Variants in ITGAE observed in about 807,000 individuals in gnomAD.
ITGAE encodes the protein integrin alpha-E.
A neutral mutation model predicts 136.5 loss-of-function variants in ITGAE; 99 were observed. The observed-to-expected ratio is 0.73, with a 90% CI of 0.62 to 0.86. ITGAE has a LOEUF of 0.86. Ranked by LOEUF, ITGAE falls within the 40% of genes least tolerant of loss-of-function variation. The pLI is 0.00. For missense variants in ITGAE, 1,447 were observed against 1,515.3 expected, an observed-to-expected ratio of 0.95 and a Z score of 0.75; for synonymous variants, 613 against 591.8, an observed-to-expected ratio of 1.04 and a Z score of -0.52.
chr17:3,785,062 G>A (rs1567556716), intron 1 of ITGAE, among the ~76,000 whole-genome samples: 1 of 152,148 alleles, frequency 6.6e-6, no homozygotes, highest in African/African-American at 2.4e-5. Flanking sequence ...TGAGGTGGGA[G>A]GACTGCTTGA....
chr17:3,789,641 C>G (rs566566765), intron 1 of ITGAE, among the ~76,000 whole-genome samples: 56 of 152,246 alleles, frequency 3.7e-4, no homozygotes, highest in Admixed American at 1.3e-3. Context: ...GCTGGGATTG[C>G]AGGCATGTGC....
intron 2 of ITGAE, among the ~76,000 whole-genome samples, chr17:3,764,255 G>A (rs1218729312): frequency 1.3e-5 from 2 of 152,206 alleles, no homozygotes; most frequent in African/African-American, 4.8e-5. Flanking sequence ...GGACAGGGAT[G>A]GGGAGGCCAG....
At chr17:3,794,468 C>A (rs1453609630) in intron 1 of ITGAE, among the ~76,000 whole-genome samples, 1 of 152,128 alleles carries the variant, frequency 6.6e-6, no homozygotes, top group African/African-American at 2.4e-5. Flanking sequence ...CCAGTGAGTC[C>A]AAGGGGGCAC....
intron 26 of ITGAE, chr17:3,725,772 G>A (rs770822659): frequency 6.2e-7 from 1 of 1,600,716 alleles, no homozygotes; most frequent in Admixed American, 1.7e-5. Context: ...GATTGACTTA[G>A]AGCAAATGCG....
chr17:3,755,703 C>T, intron 11 of ITGAE, 127 bp downstream of exon 11: 2 of 605,808 alleles, frequency 3.3e-6, no homozygotes, highest in Non-Finnish European at 5.6e-6. Flanking sequence ...AAAATAAAAT[C>T]GCTCTTTTAC....
rs943583374 is a variant in ITGAE at position 3,723,309 on chromosome 17, G to A, written c.3216C>T (p.Ile1072=). The change falls in exon 28 of 31, where the codon ATC becomes ATT. Residue 1072 remains isoleucine, a synonymous_variant. Coordinates refer to ENST00000263087, the MANE Select transcript of ITGAE (RefSeq NM_002208.5). Reference sequence around the variant, plus strand: ...ACACCTCCTCAGAGTGATCCCAGGAGATCTCTGCAGCCACGGTGACATTTT... The same window carrying A: ...ACACCTCCTCAGAGTGATCCCAGGAAATCTCTGCAGCCACGGTGACATTTT... ...DKENVTVAAE[I]SWDHSEELLK... The A allele has an allele frequency of 6.2e-7, 1 of 1,612,614 alleles. No individual in the cohort carries two copies. The highest frequency in any genetic ancestry group is 8.5e-7 in the Non-Finnish European group (1 of 1,178,578).
At chr17:3,756,116 G>C (rs1193551183) in intron 10 of ITGAE, among the ~76,000 whole-genome samples, 1 of 152,038 alleles carries the variant, frequency 6.6e-6, no homozygotes, top group Admixed American at 6.6e-5. Flanking sequence ...GTGAGCTCCT[G>C]GGAGAAGGGA....
intron 20 of ITGAE, among the ~76,000 whole-genome samples, chr17:3,736,546 A>G (rs935677367): frequency 5.9e-5 from 9 of 152,070 alleles, no homozygotes; most frequent in African/African-American, 2.2e-4. Flanking sequence ...TCAGCTTCCT[A>G]CCCACAAAAT....
chr17:3,718,641 AAAG>A (rs1199879699), intron 29 of ITGAE, among the ~76,000 whole-genome samples: 2 of 152,248 alleles, frequency 1.3e-5, no homozygotes, highest in Admixed American at 6.5e-5. Flanking sequence ...TATTGGATTT[AAAG>A]AAAGGAATTT....
intron 6 of ITGAE, among the ~76,000 whole-genome samples, chr17:3,760,537 T>A (rs943757902): frequency 7.0e-6 from 1 of 142,904 alleles, no homozygotes; most frequent in Non-Finnish European, 1.5e-5. Flanking sequence ...CCTCCCGGGT[T>A]CAAGCAATCC....
Position 3,740,892 on chromosome 17 carries a change from C to T in ITGAE, c.2449-1014G>A, listed in dbSNP as rs541229774. Among the ~76,000 whole-genome samples, 11 of 152,272 alleles carry T rather than the reference C, an allele frequency of 7.2e-5. 1 individual carries two copies. The South Asian group carries it at 1.4e-3, about 20-fold the overall frequency. The stretch of plus-strand genomic sequence containing the variant: ...GCCTCTGCACTTCGCACTTCTCTCC[C>T]GGTGGCCACCTCGGCAGCTGTCTGC... On this transcript the variant is annotated intron_variant, in intron 19 of 30. Transcript: ENST00000263087.
Position 3,745,044 on chromosome 17 carries a change from G to T in ITGAE, c.2319+720C>A, listed in dbSNP as rs190959652. The stretch of plus-strand genomic sequence containing the variant: ...TTTATTGGAATAAACGATCCATATA[G>T]ATCCAAAGTTCGAGATCCTGTCAGG... On this transcript the variant is annotated intron_variant, in intron 18 of 30. Coordinates refer to ENST00000263087, the MANE Select transcript of ITGAE (RefSeq NM_002208.5). Among the ~76,000 whole-genome samples, 4 of 152,266 alleles carry T rather than the reference G, an allele frequency of 2.6e-5. No homozygotes were observed. The East Asian group carries it at 7.7e-4, about 29-fold the overall frequency.
intron 2 of ITGAE, among the ~76,000 whole-genome samples, chr17:3,772,091 C>T (rs1052030507): frequency 6.6e-6 from 1 of 152,158 alleles, no homozygotes; most frequent in African/African-American, 2.4e-5. Context: ...CTTACTCAGC[C>T]GGCCTCCAGG....
At chr17:3,727,258 CAGG>C (rs1235667527) in intron 26 of ITGAE, among the ~76,000 whole-genome samples, 1 of 152,034 alleles carries the variant, frequency 6.6e-6, no homozygotes, top group Non-Finnish European at 1.5e-5. Context: ...AAAAGAGTCT[CAGG>C]GGAGAAGAAG....
rs1399143179 is a variant in ITGAE, at chr17:3,799,791, T to C, written c.34+1320A>G. The stretch of plus-strand genomic sequence containing the variant: ...TAAAATAAAAGGAAGTTCAACAAAC[T>C]GTTGACCTTTCCATGGTGACTATTC... On this transcript the variant is annotated intron_variant, in intron 1 of 30. Coordinates refer to ENST00000263087, the MANE Select transcript of ITGAE (RefSeq NM_002208.5). This position sits in a 1 kb window ranked among gnomAD's most constrained non-coding sequence, Gnocchi z 4.1. Among the ~76,000 whole-genome samples the C allele has an allele frequency of 6.6e-6, 1 of 152,210 alleles. No homozygotes were observed. Among genetic ancestry groups the C allele is most frequent in the Non-Finnish European group, 1.5e-5 (1 of 68,040 alleles).
At chr17:3,731,235 A>T (rs764333270) in intron 22 of ITGAE, 52 bp from the exon 23 acceptor site, 10 of 1,381,950 alleles carry the variant, frequency 7.2e-6, no homozygotes, top group Middle Eastern at 1.8e-4. Context: ...GCCACTCACA[A>T]TTCAGACCGC....
intron 2 of ITGAE, among the ~76,000 whole-genome samples, chr17:3,775,827 A>G (rs1163255167): frequency 6.6e-6 from 1 of 151,950 alleles, no homozygotes; most frequent in Non-Finnish European, 1.5e-5. Flanking sequence ...GGGGAGTGGA[A>G]GTGTCAGAGG....
At chr17:3,723,975 C>T in intron 26 of ITGAE, 3 of 1,577,316 alleles carry the variant, frequency 1.9e-6, no homozygotes, top group Non-Finnish European at 2.6e-6. Context: ...CCGGCTTTTC[C>T]GCACATATGG....
chr17:3,724,323 T>C (rs766386347), intron 26 of ITGAE: 8 of 1,587,482 alleles, frequency 5.0e-6, no homozygotes, highest in Non-Finnish European at 6.8e-6. Context: ...CAGCACACCC[T>C]GCGGCCCGCT....
Sources: allele counts gnomAD v4.1 joint callset (sites outside exome capture counted in the v4.1 genomes callset), GRCh38; gene constraint gnomAD v4.1.1; non-coding constraint Gnocchi (gnomAD v3.1); transcripts MANE v1.5; gene names NCBI Gene and HGNC (gene_info 2026-07-23, HGNC 2026-07-21).